Variants in UNC13C observed in about 807,000 individuals in gnomAD.
UNC13C encodes the protein protein unc-13 homolog C.
Under a neutral mutation model 245.4 loss-of-function variants are expected in UNC13C, and 174 were observed. The observed-to-expected ratio is 0.71, with a 90% CI of 0.63 to 0.80. UNC13C has a LOEUF of 0.80. UNC13C is among the 30% of genes least tolerant of loss of function. The probability of loss-of-function intolerance (pLI) is 0.00; values close to 1 mark genes in which losing one functional copy is unlikely to be tolerated. For synonymous variants in UNC13C, 992 were observed against 895.1 expected (o/e 1.11, Z -1.93); for missense variants, 2,829 against 2,602.9 (o/e 1.09, Z -1.89).
At chr15:54,224,795 A>T (rs965429588) in intron 4 of UNC13C, among the ~76,000 whole-genome samples, 4 of 152,142 alleles carry the variant, frequency 2.6e-5, no homozygotes, top group Admixed American at 2.6e-4. Flanking sequence ...CTATGCTCAG[A>T]GGCACTTTAT....
At chr15:54,326,442 C>T (rs781003512) in intron 14 of UNC13C, among the ~76,000 whole-genome samples, 78 of 152,056 alleles carry the variant, frequency 5.1e-4, no homozygotes, top group Middle Eastern at 6.8e-3. Flanking sequence ...AGTGTGTCAG[C>T]ATCCTGATGC....
the UNC13C span, among the ~76,000 whole-genome samples, chr15:53,894,888 T>C: frequency 6.6e-6 from 1 of 152,184 alleles, no homozygotes; most frequent in Non-Finnish European, 1.5e-5. Flanking sequence ...TCAATAATAA[T>C]CAACTCATGG....
At chr15:54,538,591 A>T (rs1896101085) in intron 26 of UNC13C, among the ~76,000 whole-genome samples, 1 of 152,130 alleles carries the variant, frequency 6.6e-6, no homozygotes, top group African/African-American at 2.4e-5. Context: ...CAAGGAATCA[A>T]CCTAAATAGC....
chr15:53,904,017 T>C, the UNC13C span, among the ~76,000 whole-genome samples: 1 of 152,350 alleles, frequency 6.6e-6, no homozygotes, highest in South Asian at 2.1e-4. Context: ...CTTCAGTGGC[T>C]CTTTAATATG....
At chr15:53,951,679 C>T in the UNC13C span, among the ~76,000 whole-genome samples, 17 of 152,086 alleles carry the variant, frequency 1.1e-4, no homozygotes, top group Admixed American at 1.3e-4. Context: ...CTGTTTGGCC[C>T]GCAAATCCAT....
At chr15:54,320,903 G>T (rs914045113) in intron 13 of UNC13C, 46 of 335,644 alleles carry the variant, frequency 1.4e-4, no homozygotes, top group Non-Finnish European at 2.0e-4. Flanking sequence ...TGCCAAAATT[G>T]TTGTAGCTTC....
At chr15:54,314,767 T>A (rs2140968856) in intron 13 of UNC13C, among the ~76,000 whole-genome samples, 1 of 151,924 alleles carries the variant, frequency 6.6e-6, no homozygotes, top group South Asian at 2.1e-4. Flanking sequence ...CAGCTTTCCA[T>A]CTTGATTTTA....
the UNC13C span, among the ~76,000 whole-genome samples, chr15:53,907,038 G>A: frequency 6.3e-4 from 96 of 152,282 alleles, 1 homozygote; most frequent in Non-Finnish European, 3.8e-4. Context: ...TTCAAGATGA[G>A]AGTTGGGTGG....
At chr15:54,089,091 C>G (rs1466770054) in intron 2 of UNC13C, among the ~76,000 whole-genome samples, 2 of 152,210 alleles carry the variant, frequency 1.3e-5, no homozygotes, top group Non-Finnish European at 2.9e-5. Flanking sequence ...GCTTACCCCT[C>G]TGCCTCTTTC....
chr15:54,064,410 T>C (rs1172199230), intron 2 of UNC13C, among the ~76,000 whole-genome samples: 2 of 152,196 alleles, frequency 1.3e-5, no homozygotes, highest in African/African-American at 4.8e-5. Flanking sequence ...CCTCACACAG[T>C]GAGGGCTGGC....
At chr15:53,969,280 C>T in the UNC13C span, among the ~76,000 whole-genome samples, 1 of 152,156 alleles carries the variant, frequency 6.6e-6, no homozygotes, top group South Asian at 2.1e-4. Context: ...ACAGGGCAGC[C>T]CTGGTCATGC....
chr15:54,460,545 A>G (rs1891780599), intron 19 of UNC13C, among the ~76,000 whole-genome samples: 2 of 152,224 alleles, frequency 1.3e-5, no homozygotes, highest in Admixed American at 6.5e-5. Flanking sequence ...GGCACTTTCA[A>G]GAGAGCACCA....
chr15:54,269,157 C>T (rs561460839), intron 10 of UNC13C, among the ~76,000 whole-genome samples: 7 of 152,116 alleles, frequency 4.6e-5, no homozygotes, highest in African/African-American at 1.4e-4. Context: ...GATTGGAAAA[C>T]TCCCTCAAGG....
chr15:53,974,358 C>T (rs1595668081), upstream of UNC13C, among the ~76,000 whole-genome samples: 1 of 152,296 alleles, frequency 6.6e-6, no homozygotes, highest in East Asian at 1.9e-4. Flanking sequence ...GCCTCATTAA[C>T]TCTGTGCTTT....
intron 2 of UNC13C, among the ~76,000 whole-genome samples, chr15:54,024,870 G>A (rs1896043425): frequency 2.6e-5 from 4 of 152,046 alleles, no homozygotes; most frequent in African/African-American, 9.6e-5. Flanking sequence ...AGCCGAGATG[G>A]CACCACTGCA....
chr15:54,332,989 C>T (rs939168423), intron 15 of UNC13C, among the ~76,000 whole-genome samples: 2 of 151,884 alleles, frequency 1.3e-5, no homozygotes, highest in African/African-American at 4.8e-5. Flanking sequence ...AACCATTAAG[C>T]CATTGAGAGA....
At chr15:54,236,026 A>G (rs1034527327) in intron 5 of UNC13C, among the ~76,000 whole-genome samples, 12 of 151,926 alleles carry the variant, frequency 7.9e-5, no homozygotes, top group Admixed American at 5.2e-4. Flanking sequence ...TGTAAAAAAA[A>G]AAAAATCATC....
At chr15:54,129,979 TAAAC>T (rs1267671675) in intron 2 of UNC13C, among the ~76,000 whole-genome samples, 1 of 151,872 alleles carries the variant, frequency 6.6e-6, no homozygotes, top group Admixed American at 6.6e-5. Flanking sequence ...TGTTATATTT[TAAAC>T]AAAGTTTTAA....
At chr15:54,111,722 G>T (rs1900785077) in intron 2 of UNC13C, among the ~76,000 whole-genome samples, 1 of 152,186 alleles carries the variant, frequency 6.6e-6, no homozygotes, top group East Asian at 1.9e-4. Context: ...AGGATTGCAT[G>T]ATTTGGGTAA....
Sources: allele counts gnomAD v4.1 joint callset (sites outside exome capture counted in the v4.1 genomes callset), GRCh38; gene constraint gnomAD v4.1.1; transcripts MANE v1.5; gene names NCBI Gene and HGNC (gene_info 2026-07-23, HGNC 2026-07-21).